Variants in KIAA0232 observed in about 807,000 individuals in gnomAD.
The protein encoded by KIAA0232 is uncharacterized protein KIAA0232.
A neutral mutation model predicts 122.0 loss-of-function variants in KIAA0232; 27 were observed. That is an observed-to-expected ratio of 0.22 (90% CI 0.16 to 0.31). The LOEUF is 0.31. Ranked by LOEUF, KIAA0232 falls within the 10% of genes least tolerant of loss-of-function variation. The pLI, the probability that KIAA0232 is intolerant of heterozygous loss-of-function variation, is 1.00. For synonymous variants in KIAA0232, 613 were observed against 587.6 expected, an observed-to-expected ratio of 1.04 and a Z score of -0.63; for missense variants, 1,551 against 1,634.2, an observed-to-expected ratio of 0.95 and a Z score of 0.88.
chr4:6,862,240 A>G lies in KIAA0232; in HGVS notation c.1858A>G (p.Ser620Gly). 1 of 1,614,198 alleles carries G rather than the reference A, an allele frequency of 6.2e-7. No homozygotes were observed. Among genetic ancestry groups the G allele is most frequent in the Non-Finnish European group, 8.5e-7 (1 of 1,180,024 alleles). The part of the protein sequence containing the change: ...SPVRLSPILD[S>G]TVLNSHLLAG... ...AGTTAGACTCTCTCCCATCTTAGAC[A>G]GCACAGTGCTCAATTCACACCTGCT... Residue 620 changes from serine to glycine, a missense_variant, in exon 7 of 10, where the codon AGC becomes GGC. Transcript: ENST00000307659.
At chr4:6,797,305 G>A (rs930048676) in intron 1 of KIAA0232, among the ~76,000 whole-genome samples, 4 of 152,190 alleles carry the variant, frequency 2.6e-5, no homozygotes, top group Non-Finnish European at 5.9e-5. Flanking sequence ...GGCTAAAGTG[G>A]GGTCAGAGCT....
chr4:6,876,408 G>A (rs913037707), intron 8 of KIAA0232, among the ~76,000 whole-genome samples: 1 of 152,172 alleles, frequency 6.6e-6, no homozygotes, highest in African/African-American at 2.4e-5. Flanking sequence ...TAACAGGAGT[G>A]TATGGTTATG....
chr4:6,792,808 G>A (rs533958095), intron 1 of KIAA0232, among the ~76,000 whole-genome samples: 6 of 151,066 alleles, frequency 4.0e-5, no homozygotes, highest in African/African-American at 1.5e-4. Flanking sequence ...TCCTGCCTCA[G>A]CCTCCTGAGT....
intron 2 of KIAA0232, among the ~76,000 whole-genome samples, chr4:6,821,903 T>C (rs1718443044): frequency 6.6e-6 from 1 of 152,102 alleles, no homozygotes; most frequent in South Asian, 2.1e-4. Flanking sequence ...TTTAGTACTT[T>C]AAAGTTTTTG....
chr4:6,868,175 T>C (rs1721286755), intron 7 of KIAA0232, among the ~76,000 whole-genome samples: 1 of 152,244 alleles, frequency 6.6e-6, no homozygotes, highest in African/African-American at 2.4e-5. Flanking sequence ...TCACCCAGCT[T>C]CCACCTTCTA....
chr4:6,837,933 G>C (rs980056842), intron 3 of KIAA0232, among the ~76,000 whole-genome samples: 1 of 152,030 alleles, frequency 6.6e-6, no homozygotes, highest in African/African-American at 2.4e-5. Flanking sequence ...GGGAGGGAGA[G>C]GGAGAGGGAG....
chr4:6,790,173 A>G (rs1716828432), intron 1 of KIAA0232, among the ~76,000 whole-genome samples: 1 of 152,136 alleles, frequency 6.6e-6, no homozygotes, highest in Non-Finnish European at 1.5e-5. Flanking sequence ...TGGTATTTGG[A>G]ATGACTGTTG....
chr4:6,805,515 A>T (rs947088073), intron 2 of KIAA0232, among the ~76,000 whole-genome samples: 3 of 152,160 alleles, frequency 2.0e-5, no homozygotes, highest in African/African-American at 7.2e-5. Flanking sequence ...TAGTAATTTT[A>T]AAAATGTTAA....
chr4:6,862,819 G>C lies in KIAA0232; in HGVS notation c.2437G>C (p.Glu813Gln). 1 of 1,614,180 alleles carries C rather than the reference G, an allele frequency of 6.2e-7. No individual in the cohort carries two copies. Among genetic ancestry groups the C allele is most frequent in the Non-Finnish European group, 8.5e-7 (1 of 1,180,018 alleles). Residue 813 changes from glutamate to glutamine, a missense_variant, in exon 7 of 10, where the codon GAA (glutamate) becomes CAA (glutamine). By Grantham distance (29) the Glu-to-Gln change is conservative. Transcript: ENST00000307659. ...KNFETTQVCN[E>Q]SPHGDGYSSG... ...TTTTGAAACTACACAAGTATGTAAT[G>C]AAAGTCCACATGGAGATGGCTACAG...
At position 6,801,487 on chromosome 4, in the gene KIAA0232, G is replaced by A. The variant is rs891763298; in HGVS notation, c.-353-3036G>A. ...GAGGATTGCTTGAGCCTAGGAGTTCGTGACCAGCCTGAGCAATGTAGTGCG... is the reference window on the plus strand; with the variant it reads ...GAGGATTGCTTGAGCCTAGGAGTTCATGACCAGCCTGAGCAATGTAGTGCG... On this transcript the variant is annotated intron_variant, in intron 1 of 9. Coordinates refer to ENST00000307659, the MANE Select transcript of KIAA0232 (RefSeq NM_014743.3). Among the ~76,000 whole-genome samples, 4 of 151,678 alleles carry A rather than the reference G, an allele frequency of 2.6e-5. 1 individual carries two copies. Among genetic ancestry groups the A allele is most frequent in the Non-Finnish European group, 1.5e-5 (1 of 67,832 alleles).
At chr4:6,836,245 CTGT>C (rs1175539776) in intron 3 of KIAA0232, among the ~76,000 whole-genome samples, 1 of 151,326 alleles carries the variant, frequency 6.6e-6, no homozygotes, top group Admixed American at 6.6e-5. Flanking sequence ...TTTCATATGT[CTGT>C]TGGCTGCATA....
At chr4:6,799,052 G>C (rs1717259836) in intron 1 of KIAA0232, among the ~76,000 whole-genome samples, 1 of 152,042 alleles carries the variant, frequency 6.6e-6, no homozygotes, top group Non-Finnish European at 1.5e-5. Context: ...CCAAGTGTTG[G>C]CAGGGCTGGT....
chr4:6,866,903 T>C (rs1721215900), intron 7 of KIAA0232, among the ~76,000 whole-genome samples: 1 of 152,232 alleles, frequency 6.6e-6, no homozygotes, highest in African/African-American at 2.4e-5. Flanking sequence ...GGTAATTTAT[T>C]CATATGGTTC....
intron 3 of KIAA0232, among the ~76,000 whole-genome samples, chr4:6,837,806 G>A (rs181246688): frequency 2.8e-4 from 42 of 152,268 alleles, no homozygotes; most frequent in Admixed American, 9.8e-4. Flanking sequence ...CCCAGGCACC[G>A]GGCAGGCTGA....
At chr4:6,838,064 G>A (rs530381352) in intron 3 of KIAA0232, among the ~76,000 whole-genome samples, 116 of 152,262 alleles carry the variant, frequency 7.6e-4, no homozygotes, top group African/African-American at 2.6e-3. Flanking sequence ...TGTAGAATTA[G>A]GATTTCTAAC....
chr4:6,850,765 G>T (rs1720235082), intron 4 of KIAA0232, among the ~76,000 whole-genome samples: 1 of 151,966 alleles, frequency 6.6e-6, no homozygotes, highest in African/African-American at 2.4e-5. Flanking sequence ...CTGCCTCCTG[G>T]GTTCAAGCGA....
In KIAA0232 at chr4:6,883,473, G is replaced by T. The variant is rs1050179156; in HGVS notation, c.*2507G>T. On this transcript the variant is annotated 3_prime_UTR_variant, in exon 10 of 10. Transcript: ENST00000307659. ...AAGAGCAAGTGCCCAGGTTACATTT[G>T]TTCTAGATGGAGGTCATTTAGCTCT... 3.3e-5 allele frequency: 5 copies of T among 152,222 alleles called. No homozygotes were observed. The highest frequency in any genetic ancestry group is 1.2e-4 in the African/African-American group (5 of 41,456). 9.4% of individuals were successfully genotyped at this position (152,222 alleles called of 1,614,324 possible). A position where few individuals can be genotyped will look rare whatever the true frequency, so the allele number is the denominator to read the frequency against.
At chr4:6,838,825 T>TA (rs1297916630) in intron 3 of KIAA0232, among the ~76,000 whole-genome samples, 1 of 151,176 alleles carries the variant, frequency 6.6e-6, no homozygotes, top group African/African-American at 2.4e-5. Flanking sequence ...TATGAATTGA[T>TA]ACGTTTAAAA....
intron 2 of KIAA0232, among the ~76,000 whole-genome samples, chr4:6,820,153 A>G (rs1246178660): frequency 6.6e-6 from 1 of 152,128 alleles, no homozygotes; most frequent in Non-Finnish European, 1.5e-5. Context: ...TGGGTACTGT[A>G]CTCAGTACCT....
Sources: gnomAD v4.1 joint callset for allele counts (sites outside exome capture counted in the v4.1 genomes callset) on GRCh38, gnomAD v4.1.1 for gene constraint, MANE v1.5 for transcripts, NCBI Gene and HGNC (gene_info 2026-07-23, HGNC 2026-07-21) for gene names.